Variants in CAMK1D observed in about 807,000 individuals in gnomAD.
The protein encoded by CAMK1D is calcium/calmodulin dependent protein kinase ID, also known as calcium/calmodulin-dependent protein kinase type 1D.
Under a neutral mutation model 47.7 loss-of-function variants are expected in CAMK1D, and 9 were observed. The observed-to-expected ratio is 0.19, with a 90% CI of 0.11 to 0.33. The LOEUF (loss-of-function observed/expected upper bound fraction) is 0.33. Ranked by LOEUF, CAMK1D falls within the 10% of genes least tolerant of loss-of-function variation. The pLI is 1.00. For synonymous variants in CAMK1D, 184 were observed against 184.9 expected (o/e 0.99, Z 0.04); for missense variants, 291 against 488.7 (o/e 0.60, Z 3.81).
At chr10:12,757,850 CT>C (rs1836304203) in intron 3 of CAMK1D, among the ~76,000 whole-genome samples, 2 of 127,724 alleles carry the variant, frequency 1.6e-5, no homozygotes. Flanking sequence ...GGGGGCCCTG[CT>C]CTTTTTTTTT....
chr10:12,826,531 A>G (rs530841331), intron 10 of CAMK1D, among the ~76,000 whole-genome samples: 38 of 152,058 alleles, frequency 2.5e-4, no homozygotes, highest in African/African-American at 6.5e-4. Flanking sequence ...TCTCTCCCCA[A>G]CTGCTCCTCT....
At chr10:12,696,349 C>T (rs1237355004) in intron 3 of CAMK1D, among the ~76,000 whole-genome samples, 2 of 152,036 alleles carry the variant, frequency 1.3e-5, no homozygotes, top group East Asian at 3.9e-4. Context: ...TCAGCCTGAC[C>T]AACAAGGCGA....
intron 1 of CAMK1D, among the ~76,000 whole-genome samples, chr10:12,489,610 C>G (rs1470384916): frequency 6.6e-6 from 1 of 152,184 alleles, no homozygotes; most frequent in Non-Finnish European, 1.5e-5. Flanking sequence ...CGCTCGTTTT[C>G]TCCCTGCTTA....
intron 2 of CAMK1D, among the ~76,000 whole-genome samples, chr10:12,613,287 C>T (rs906358422): frequency 1.3e-5 from 2 of 152,200 alleles, no homozygotes; most frequent in African/African-American, 2.4e-5. Flanking sequence ...CTCCCTATAA[C>T]GGGCAGCTCT....
chr10:12,597,572 G>A (rs979367358), intron 2 of CAMK1D, among the ~76,000 whole-genome samples: 3 of 152,164 alleles, frequency 2.0e-5, no homozygotes, highest in South Asian at 2.1e-4. Context: ...GCAGAGGCAC[G>A]TGACTTTTCA....
At chr10:12,739,300 G>C (rs190323445) in intron 3 of CAMK1D, among the ~76,000 whole-genome samples, 5 of 152,016 alleles carry the variant, frequency 3.3e-5, no homozygotes, top group African/African-American at 1.2e-4. Context: ...CCGAGACAGA[G>C]TCTTGCTCTG....
chr10:12,467,701 A>G (rs761728721), intron 1 of CAMK1D, among the ~76,000 whole-genome samples: 6 of 152,220 alleles, frequency 3.9e-5, no homozygotes, highest in Non-Finnish European at 8.8e-5. Context: ...TGCTTGGCAT[A>G]GCCCATTGTA....
At chr10:12,700,601 G>A in intron 3 of CAMK1D, among the ~76,000 whole-genome samples, 1 of 152,194 alleles carries the variant, frequency 6.6e-6, no homozygotes, top group East Asian at 1.9e-4. Context: ...CACTGTGCCT[G>A]CGGCCTGTTT....
chr10:12,687,659 C>A (rs1832715638), intron 3 of CAMK1D, among the ~76,000 whole-genome samples: 1 of 152,212 alleles, frequency 6.6e-6, no homozygotes, highest in Admixed American at 6.5e-5. Context: ...AGGCATCACA[C>A]TAGGACAGGA....
chr10:12,613,574 G>A (rs531114735), intron 2 of CAMK1D, among the ~76,000 whole-genome samples: 2 of 152,200 alleles, frequency 1.3e-5, no homozygotes, highest in Non-Finnish European at 2.9e-5. Flanking sequence ...ACCTCCGGGG[G>A]TGCAGGTGAT....
chr10:12,560,550 T>C (rs1286910906), intron 2 of CAMK1D, among the ~76,000 whole-genome samples: 1 of 113,552 alleles, frequency 8.8e-6, no homozygotes, highest in South Asian at 2.9e-4. Flanking sequence ...GAAAACTCTA[T>C]CTCGGAAAAA....
intron 1 of CAMK1D, among the ~76,000 whole-genome samples, chr10:12,381,237 G>T (rs962987521): frequency 2.0e-5 from 3 of 152,204 alleles, no homozygotes. Flanking sequence ...CCTTCCTGGG[G>T]TGGTCACAGC....
chr10:12,524,616 A>G (rs1189559198), intron 1 of CAMK1D, among the ~76,000 whole-genome samples: 1 of 152,060 alleles, frequency 6.6e-6, no homozygotes, highest in African/African-American at 2.4e-5. Flanking sequence ...CTGAGGCAGG[A>G]GAATGGCGTG....
At chr10:12,822,558 C>T (rs1256840608) in intron 8 of CAMK1D, among the ~76,000 whole-genome samples, 2 of 152,228 alleles carry the variant, frequency 1.3e-5, no homozygotes, top group Non-Finnish European at 2.9e-5. Context: ...CCAGAGTCTC[C>T]CCGACCCCAG....
chr10:12,356,721 CAAAAAAAA>C lies in CAMK1D; in HGVS notation c.92+6826_92+6833del, dbSNP rs71384311. ...TGGGTGACACAGTGAGACTCCATTT[CAAAAAAAA>C]AAAAAAAAAAAAAAGAAAAGGTGAA... On this transcript the variant is annotated intron_variant, in intron 1 of 10. Transcript: ENST00000619168. Among the ~76,000 whole-genome samples, 105 of 74,996 alleles carry C rather than the reference CAAAAAAAA, an allele frequency of 1.4e-3. 1 individual carries two copies. The highest frequency in any genetic ancestry group is 8.3e-3 in the East Asian group (25 of 3,014). 49.2% of individuals were successfully genotyped at this position (74,996 alleles called of 152,430 possible).
At chr10:12,667,399 C>G (rs1840468277) in intron 3 of CAMK1D, among the ~76,000 whole-genome samples, 1 of 152,092 alleles carries the variant, frequency 6.6e-6, no homozygotes, top group Non-Finnish European at 1.5e-5. Context: ...CTGGAGATTA[C>G]CAAAAGAGGG....
rs1833342838 is a variant in CAMK1D at position 12,458,936 on chromosome 10, T to G, written c.93-94289T>G. 1.3e-5 allele frequency among the ~76,000 whole-genome samples: 2 copies of G among 148,796 alleles called. 1 individual carries two copies. Among genetic ancestry groups the G allele is most frequent in the South Asian group, 4.2e-4 (2 of 4,738 alleles). ...CTCTGTTGCCCAGGCTGGAGTGCAG[T>G]GGTGTGAGCTCGGCTTACTGCAACC... On this transcript the variant is annotated intron_variant, in intron 1 of 10. Transcript: ENST00000619168.
At chr10:12,688,040 T>C (rs959670695) in intron 3 of CAMK1D, among the ~76,000 whole-genome samples, 1 of 152,322 alleles carries the variant, frequency 6.6e-6, no homozygotes, top group African/African-American at 2.4e-5. Context: ...CTACTAAAAA[T>C]GGGCATGACA....
At chr10:12,459,160 T>C (rs1833349740) in intron 1 of CAMK1D, among the ~76,000 whole-genome samples, 1 of 152,188 alleles carries the variant, frequency 6.6e-6, no homozygotes, top group Non-Finnish European at 1.5e-5. Flanking sequence ...ATTACAGGCG[T>C]GAGCCACGGT....
Sources: allele counts gnomAD v4.1 joint callset (sites outside exome capture counted in the v4.1 genomes callset), GRCh38; gene constraint gnomAD v4.1.1; transcripts MANE v1.5; gene names NCBI Gene and HGNC (gene_info 2026-07-23, HGNC 2026-07-21).